Variants in CACNA1A observed in about 807,000 individuals in gnomAD.
The protein encoded by CACNA1A is voltage-dependent P/Q-type calcium channel subunit alpha-1A.
In CACNA1A, 57 loss-of-function variants were observed where a neutral mutation model predicts 262.4. The ratio of observed to expected loss-of-function variants is 0.22; its 90% CI spans 0.18 to 0.27. The LOEUF is 0.27. Among genes scored for constraint, CACNA1A ranks in the 10% least tolerant of loss-of-function variants. CACNA1A has a pLI of 1.00. For synonymous variants in CACNA1A, 1,431 were observed against 1,419.3 expected (o/e 1.01, Z -0.18); for missense variants, 2,526 against 3,562.8 (o/e 0.71, Z 7.41).
chr19:13,313,571 C>T (rs1264548517), intron 11 of CACNA1A, among the ~76,000 whole-genome samples: 2 of 150,580 alleles, frequency 1.3e-5, no homozygotes, highest in East Asian at 2.0e-4. Flanking sequence ...AACCTTAGGC[C>T]GATTTTAAAA....
intron 38 of CACNA1A, among the ~76,000 whole-genome samples, chr19:13,221,273 C>G: frequency 1.7e-5 from 1 of 57,752 alleles, no homozygotes; most frequent in Admixed American, 2.5e-4. Flanking sequence ...TTGCTGTGTC[C>G]CCCAGGCTGG....
chr19:13,483,409 G>C (rs1034685044), intron 1 of CACNA1A, among the ~76,000 whole-genome samples: 14 of 152,136 alleles, frequency 9.2e-5, no homozygotes, highest in Non-Finnish European at 1.9e-4. Context: ...CCCACTTGGA[G>C]AAGTTGGCTC....
In CACNA1A at chr19:13,227,310, A is replaced by G. The variant is rs140376480; in HGVS notation, c.5625+121T>C. 423 of 494,518 alleles carry G rather than the reference A, an allele frequency of 8.6e-4. 3 individuals carry two copies. Among genetic ancestry groups the G allele is most frequent in the African/African-American group, 7.7e-3 (388 of 50,250 alleles). 30.6% of individuals were successfully genotyped at this position (494,518 alleles called of 1,614,324 possible). A position where few individuals can be genotyped will look rare whatever the true frequency, so the allele number is the denominator to read the frequency against. ...AAAAAAAGAATCAAAAACAAAAAAG[A>G]AGAGAAACGTTGGAAAAAGAGAGTC... On this transcript the variant is annotated intron_variant, in intron 37 of 46. Coordinates refer to ENST00000360228, the MANE Select transcript of CACNA1A (RefSeq NM_001127222.2).
chr19:13,279,405 C>T (rs1368136973), intron 22 of CACNA1A, among the ~76,000 whole-genome samples: 1 of 152,088 alleles, frequency 6.6e-6, no homozygotes, highest in South Asian at 2.1e-4. Flanking sequence ...ATGAAACAGT[C>T]GACAGTACCA....
chr19:13,465,915 T>A (rs1360012858), intron 1 of CACNA1A, among the ~76,000 whole-genome samples: 3 of 152,194 alleles, frequency 2.0e-5, no homozygotes, highest in African/African-American at 7.2e-5. Context: ...GATGGACTTT[T>A]GGGATATCTC....
At chr19:13,407,661 G>A (rs1365563114) in intron 3 of CACNA1A, among the ~76,000 whole-genome samples, 10 of 152,320 alleles carry the variant, frequency 6.6e-5, no homozygotes, top group Non-Finnish European at 1.3e-4. Flanking sequence ...CATCAATGGA[G>A]TCTTCCAATT....
Position 13,212,785 on chromosome 19 carries a change from G to C in CACNA1A, c.5941-45C>G, listed in dbSNP as rs750858211. On this transcript the variant is annotated intron_variant, in intron 40 of 46. Coordinates refer to ENST00000360228, the MANE Select transcript of CACNA1A (RefSeq NM_001127222.2). This position sits in a 1 kb window ranked among gnomAD's most constrained non-coding sequence, Gnocchi z 5.6. Reference sequence around the variant, plus strand: ...GCAGTGTGTGGACAAGGGTGGGGTGGTGGGACGGTGGTACCCAGAAGGCAT... The same window carrying C: ...GCAGTGTGTGGACAAGGGTGGGGTGCTGGGACGGTGGTACCCAGAAGGCAT... 8 of 956,590 alleles carry C rather than the reference G, an allele frequency of 8.4e-6. No homozygotes were observed. The highest frequency in any genetic ancestry group is 1.2e-5 in the Non-Finnish European group (8 of 651,606). The allele number at this position is 956,590 out of a possible 1,614,324, so 59.3% of individuals were successfully genotyped here.
chr19:13,285,122 CCGTCTTCCCCACGGT>C lies in CACNA1A; in HGVS notation c.3623_3637del (p.Asp1208_Asp1212del). ...GCTATAGGGAGGCATTGGCTTAGGGCCGTCTTCCCCACGGTCGTCTTCCTCCTCCTCCTTCTTCTC... is the reference window on the plus strand; with the variant it reads ...GCTATAGGGAGGCATTGGCTTAGGGCCGTCTTCCTCCTCCTCCTTCTTCTC... On this transcript the variant is annotated inframe_deletion, in exon 21 of 47. Coordinates refer to ENST00000360228, the MANE Select transcript of CACNA1A (RefSeq NM_001127222.2). 1.2e-6 allele frequency: 2 copies of C among 1,613,926 alleles called. No individual in the cohort carries two copies. Among genetic ancestry groups the C allele is most frequent in the African/African-American group, 1.3e-5 (1 of 75,024 alleles).
At chr19:13,374,215 G>C (rs2059369047) in intron 3 of CACNA1A, among the ~76,000 whole-genome samples, 1 of 152,048 alleles carries the variant, frequency 6.6e-6, no homozygotes, top group Non-Finnish European at 1.5e-5. Flanking sequence ...AGTAGGCAGG[G>C]GCCATGACAT....
chr19:13,424,519 G>A (rs967346770), intron 3 of CACNA1A, among the ~76,000 whole-genome samples: 6 of 152,110 alleles, frequency 3.9e-5, no homozygotes, highest in African/African-American at 4.8e-5. Flanking sequence ...AGGCTGGAGT[G>A]CAGTGGCATG....
At chr19:13,339,383 A>G (rs927351474) in intron 6 of CACNA1A, among the ~76,000 whole-genome samples, 7 of 152,132 alleles carry the variant, frequency 4.6e-5, no homozygotes, top group African/African-American at 1.4e-4. Context: ...GAGGGGGAAC[A>G]GGGAGTTCGC....
chr19:13,412,054 C>A (rs2060120416), intron 3 of CACNA1A, among the ~76,000 whole-genome samples: 1 of 151,700 alleles, frequency 6.6e-6, no homozygotes, highest in Non-Finnish European at 1.5e-5. Context: ...GTTGAGTCTG[C>A]AAATCTAAAA....
chr19:13,383,601 AG>A (rs768614252), intron 3 of CACNA1A, among the ~76,000 whole-genome samples: 5 of 152,148 alleles, frequency 3.3e-5, no homozygotes, highest in Non-Finnish European at 5.9e-5. Context: ...TTCTGCCAGC[AG>A]GAAAAGCTCA....
At chr19:13,284,974 T>C (rs1200122212) in intron 21 of CACNA1A, 94 bp downstream of exon 21, 12 of 1,255,318 alleles carry the variant, frequency 9.6e-6, no homozygotes, top group Middle Eastern at 1.9e-4. Flanking sequence ...CTCATGGTGG[T>C]CAACACTCAC....
At chr19:13,269,797 T>C (rs1196450348) in intron 24 of CACNA1A, among the ~76,000 whole-genome samples, 1 of 151,988 alleles carries the variant, frequency 6.6e-6, no homozygotes, top group Non-Finnish European at 1.5e-5. Context: ...CACACAGATA[T>C]TTGGGTGAGG....
intron 20 of CACNA1A, 85 bp from the exon 21 acceptor site, chr19:13,285,291 A>G (rs1388550049): frequency 6.6e-7 from 1 of 1,507,876 alleles, no homozygotes; most frequent in Non-Finnish European, 9.1e-7. Flanking sequence ...AGGGCAGGCA[A>G]GAAGCGGCTG....
intron 3 of CACNA1A, among the ~76,000 whole-genome samples, chr19:13,430,900 G>A (rs903153582): frequency 1.3e-5 from 2 of 152,004 alleles, no homozygotes; most frequent in Admixed American, 1.3e-4. Context: ...AAGGAAGTGA[G>A]GGGGGAGCCA....
intron 30 of CACNA1A, among the ~76,000 whole-genome samples, chr19:13,251,264 A>T (rs1211039581): frequency 6.6e-6 from 1 of 151,854 alleles, no homozygotes; most frequent in Non-Finnish European, 1.5e-5. Context: ...CGGGCGGATC[A>T]TGAGGTCAGG....
chr19:13,462,468 C>T (rs1165335906), intron 1 of CACNA1A, among the ~76,000 whole-genome samples: 7 of 152,094 alleles, frequency 4.6e-5, no homozygotes, highest in African/African-American at 7.2e-5. Context: ...AAACACATAC[C>T]CCAATTTCAC....
Sources: allele counts gnomAD v4.1 joint callset (sites outside exome capture counted in the v4.1 genomes callset), GRCh38; gene constraint gnomAD v4.1.1; non-coding constraint Gnocchi (gnomAD v3.1); transcripts MANE v1.5; gene names NCBI Gene and HGNC (gene_info 2026-07-23, HGNC 2026-07-21).